The following PPM1H variants were observed in gnomAD, a reference collection of about 807,000 sequenced individuals.
PPM1H encodes the protein protein phosphatase 1H.
In PPM1H, 27 loss-of-function variants were observed where a neutral mutation model predicts 54.9. The ratio of observed to expected loss-of-function variants is 0.49; its 90% confidence interval spans 0.36 to 0.68. PPM1H has a LOEUF of 0.68. Ranked by LOEUF, PPM1H falls within the 30% of genes least tolerant of loss-of-function variation. The pLI is 0.00. For missense variants in PPM1H, 596 were observed against 667.8 expected, an observed-to-expected ratio of 0.89 and a Z score of 1.19; for synonymous variants, 305 against 270.8, an observed-to-expected ratio of 1.13 and a Z score of -1.24.
At chr12:62,880,847 G>C (rs1363072317) in intron 1 of PPM1H, among the ~76,000 whole-genome samples, 4 of 152,086 alleles carry the variant, frequency 2.6e-5, no homozygotes, top group African/African-American at 9.7e-5. Flanking sequence ...CCACCGAGTG[G>C]AGTCACCTGG....
chr12:62,822,742 C>T (rs938375049), intron 2 of PPM1H, among the ~76,000 whole-genome samples: 29 of 152,142 alleles, frequency 1.9e-4, no homozygotes, highest in African/African-American at 6.8e-4. Flanking sequence ...ACACTTAAAG[C>T]AGTGTGTAGA....
At chr12:62,658,688 G>A (rs535849222) in intron 9 of PPM1H, 25 of 307,644 alleles carry the variant, frequency 8.1e-5, no homozygotes, top group Middle Eastern at 1.2e-3. Context: ...GGATGTTAGC[G>A]CAATGCATTT....
chr12:62,727,142 G>A (rs1037064890), intron 5 of PPM1H, among the ~76,000 whole-genome samples: 1 of 152,080 alleles, frequency 6.6e-6, no homozygotes, highest in Non-Finnish European at 1.5e-5. Flanking sequence ...CTAATCTCAG[G>A]TGATTCACCT....
intron 4 of PPM1H, among the ~76,000 whole-genome samples, chr12:62,745,395 T>A (rs2076404854): frequency 6.6e-6 from 1 of 152,182 alleles, no homozygotes; most frequent in South Asian, 2.1e-4. Flanking sequence ...ATTATTTGAC[T>A]GTTACAGGAA....
chr12:62,824,111 C>T (rs1237349169), intron 2 of PPM1H, among the ~76,000 whole-genome samples: 1 of 151,644 alleles, frequency 6.6e-6, no homozygotes, highest in Non-Finnish European at 1.5e-5. Context: ...CAATAACAGA[C>T]AAACAGAGAG....
At chr12:62,924,754 G>A (rs1871919602) in intron 1 of PPM1H, among the ~76,000 whole-genome samples, 1 of 152,112 alleles carries the variant, frequency 6.6e-6, no homozygotes, top group Non-Finnish European at 1.5e-5. Flanking sequence ...TTGAAGAAAT[G>A]CAATTAGCCG....
At chr12:62,816,135 T>C (rs1055526642) in intron 2 of PPM1H, among the ~76,000 whole-genome samples, 1 of 152,200 alleles carries the variant, frequency 6.6e-6, no homozygotes, top group Non-Finnish European at 1.5e-5. Flanking sequence ...GAGATTTTCC[T>C]GCTCCATGTC....
rs1352796791 is a variant in PPM1H, at chr12:62,816,483, CTA to C, written c.412-14325_412-14324del. 5.3e-5 allele frequency among the ~76,000 whole-genome samples: 8 copies of C among 152,300 alleles called. No homozygotes were observed. The East Asian group carries it at 1.5e-3, about 29-fold the overall frequency. ...ATGGAGAAATAAGACTACCTTCAGA[CTA>C]TGTGTGTAAGCTGCATACAAAACAC... On this transcript the variant is annotated intron_variant, in intron 2 of 9. Transcript: ENST00000228705.
At chr12:62,784,927 G>A (rs2076661940) in intron 4 of PPM1H, among the ~76,000 whole-genome samples, 1 of 152,216 alleles carries the variant, frequency 6.6e-6, no homozygotes, top group Admixed American at 6.5e-5. Context: ...GTTTCCTGAA[G>A]TATGACCCAT....
chr12:62,755,182 C>G, intron 4 of PPM1H: 1 of 576,082 alleles, frequency 1.7e-6, no homozygotes, highest in Admixed American at 2.2e-5. Context: ...TGACAGACAG[C>G]CGCCTCTTCT....
intron 4 of PPM1H, among the ~76,000 whole-genome samples, chr12:62,743,231 T>C (rs958746316): frequency 6.6e-6 from 1 of 152,028 alleles, no homozygotes; most frequent in African/African-American, 2.4e-5. Context: ...CAGGCGCCTG[T>C]AGTCACAGCT....
intron 6 of PPM1H, among the ~76,000 whole-genome samples, chr12:62,719,412 C>T (rs2076252381): frequency 6.6e-6 from 1 of 152,210 alleles, no homozygotes; most frequent in African/African-American, 2.4e-5. Flanking sequence ...GACCCCAGGG[C>T]ACAAGAGCAA....
chr12:62,716,597 G>C (rs1276263004), intron 6 of PPM1H, among the ~76,000 whole-genome samples: 1 of 152,154 alleles, frequency 6.6e-6, no homozygotes, highest in Non-Finnish European at 1.5e-5. Context: ...CATAACCATG[G>C]CTTGCTGCAG....
At chr12:62,651,629 C>G (rs756864318) in intron 9 of PPM1H, among the ~76,000 whole-genome samples, 3 of 152,160 alleles carry the variant, frequency 2.0e-5, no homozygotes, top group Non-Finnish European at 4.4e-5. Flanking sequence ...TCCAAGATAA[C>G]TTCCTTTGAG....
intron 7 of PPM1H, among the ~76,000 whole-genome samples, chr12:62,693,037 C>A (rs762441387): frequency 7.2e-5 from 11 of 151,950 alleles, no homozygotes; most frequent in Admixed American, 6.6e-5. Flanking sequence ...GTATCGAATG[C>A]TGGAAAAATT....
intron 8 of PPM1H, among the ~76,000 whole-genome samples, chr12:62,687,752 C>A (rs1054618569): frequency 2.0e-5 from 3 of 152,070 alleles, no homozygotes; most frequent in Non-Finnish European, 4.4e-5. Context: ...CTGATGCCTG[C>A]AATCCCAGCA....
At chr12:62,834,282 C>T (rs1482246044) in intron 1 of PPM1H, among the ~76,000 whole-genome samples, 1 of 152,094 alleles carries the variant, frequency 6.6e-6, no homozygotes, top group African/African-American at 2.4e-5. Flanking sequence ...AAATGCATTT[C>T]CTCTTTCCTC....
chr12:62,793,485 G>C (rs1565790211), intron 3 of PPM1H, among the ~76,000 whole-genome samples: 2 of 151,924 alleles, frequency 1.3e-5, no homozygotes, highest in South Asian at 4.2e-4. Flanking sequence ...AGCACTTTGG[G>C]AGGCCGAGGC....
At position 62,741,087 on chromosome 12, in the gene PPM1H, C is replaced by A. The variant is rs532027034; in HGVS notation, c.870-3501G>T. 2.4e-4 allele frequency among the ~76,000 whole-genome samples: 37 copies of A among 152,268 alleles called. 2 individuals carry two copies. The East Asian group carries it at 7.1e-3, about 29-fold the overall frequency. On this transcript the variant is annotated intron_variant, in intron 4 of 9. Coordinates refer to ENST00000228705, the MANE Select transcript of PPM1H (RefSeq NM_020700.2). The stretch of plus-strand genomic sequence containing the variant: ...TCAAAATTAATGATCCTGTCCCCAG[C>A]CCCCTCCCAAATCTGTCTTCTAGCA...
Sources: allele counts gnomAD v4.1 joint callset (sites outside exome capture counted in the v4.1 genomes callset), GRCh38; gene constraint gnomAD v4.1.1; transcripts MANE v1.5; gene names NCBI Gene and HGNC (gene_info 2026-07-23, HGNC 2026-07-21).